STK32C: variants seen among roughly 807,000 people sequenced by gnomAD.
STK32C encodes serine/threonine-protein kinase 32C.
STK32C carries 31 observed loss-of-function variants against 56.5 expected under a neutral mutation model. The observed-to-expected ratio is 0.55, with a 90% CI of 0.41 to 0.74. The LOEUF (loss-of-function observed/expected upper bound fraction) is 0.74, where lower values mean the gene tolerates loss of function less well. STK32C is among the 30% of genes least tolerant of loss of function. The pLI, the probability that STK32C is intolerant of heterozygous loss-of-function variation, is 0.00. For missense variants in STK32C, 544 were observed against 676.9 expected, an observed-to-expected ratio of 0.80 and a Z score of 2.18; for synonymous variants, 309 against 289.4, an observed-to-expected ratio of 1.07 and a Z score of -0.69.
At chr10:132,313,655 A>T (rs2066262977) in intron 1 of STK32C, among the ~76,000 whole-genome samples, 1 of 152,246 alleles carries the variant, frequency 6.6e-6, no homozygotes, top group African/African-American at 2.4e-5. Context: ...GCCAAAGGGG[A>T]GCAGGAGAGC....
chr10:132,221,838 T>G (rs1187154525), intron 10 of STK32C, among the ~76,000 whole-genome samples: 1 of 132,084 alleles, frequency 7.6e-6, no homozygotes, highest in African/African-American at 2.9e-5. Flanking sequence ...TCAACGCACC[T>G]GGGTGAGTGT....
At chr10:132,260,655 A>G (rs2064272565) in intron 1 of STK32C, among the ~76,000 whole-genome samples, 1 of 152,136 alleles carries the variant, frequency 6.6e-6, no homozygotes, top group Non-Finnish European at 1.5e-5. Flanking sequence ...CATGAGGCAC[A>G]CCCCACTATT....
chr10:132,282,831 G>A (rs1469810762), intron 1 of STK32C, among the ~76,000 whole-genome samples: 3 of 152,230 alleles, frequency 2.0e-5, no homozygotes, highest in Admixed American at 6.5e-5. Context: ...CTGCTGGAGC[G>A]AAGGGAAGAA....
intron 10 of STK32C, among the ~76,000 whole-genome samples, chr10:132,213,057 C>A (rs2062365656): frequency 6.6e-6 from 1 of 152,218 alleles, no homozygotes; most frequent in African/African-American, 2.4e-5. Context: ...AGGAACCCTG[C>A]CAGGTCTTAA....
intron 4 of STK32C, 27 bp downstream of exon 4, chr10:132,226,768 T>TACCAGCGCCGTCTGCCACGCACAC: frequency 1.2e-6 from 2 of 1,606,266 alleles, no homozygotes; most frequent in Non-Finnish European, 1.7e-6. Flanking sequence ...CCTCAGCAGG[T>TACCAGCGCCGTCTGCCACGCACAC]ACCTGCGCCG....
chr10:132,214,805 T>C (rs1375525193), intron 10 of STK32C, among the ~76,000 whole-genome samples: 1 of 152,120 alleles, frequency 6.6e-6, no homozygotes, highest in Admixed American at 6.5e-5. Flanking sequence ...CAGGTGAAGG[T>C]AGACTGTATG....
chr10:132,244,753 C>T (rs1274360145), intron 2 of STK32C, among the ~76,000 whole-genome samples: 1 of 152,222 alleles, frequency 6.6e-6, no homozygotes, highest in Non-Finnish European at 1.5e-5. Context: ...ATCCTGCCTG[C>T]CCCTCGTGCA....
At chr10:132,286,094 C>G (rs527513003) in intron 1 of STK32C, among the ~76,000 whole-genome samples, 39 of 151,794 alleles carry the variant, frequency 2.6e-4, no homozygotes, top group Admixed American at 1.3e-4. Flanking sequence ...CCACTGCACT[C>G]CAGCCTGGGT....
intron 1 of STK32C, among the ~76,000 whole-genome samples, chr10:132,257,252 G>C (rs1302348734): frequency 1.3e-5 from 2 of 152,126 alleles, no homozygotes; most frequent in African/African-American, 4.8e-5. Context: ...GTGGGTCAAG[G>C]CTGGAAAAAG....
In STK32C at chr10:132,231,626, G is replaced by A. The variant is rs531262828; in HGVS notation, c.319-3498C>T. ...GGAGCCTCGGAATGTGGCCTTATTC[G>A]GAATAAAGGTCTCTGAAGATGTAAT... On this transcript the variant is annotated intron_variant, in intron 2 of 11. Transcript: ENST00000298630. 3.5e-4 allele frequency among the ~76,000 whole-genome samples: 54 copies of A among 152,294 alleles called. No homozygotes were observed. The South Asian group carries it at 0.01, about 29-fold the overall frequency.
At chr10:132,291,089 A>G (rs910252528) in intron 1 of STK32C, among the ~76,000 whole-genome samples, 6 of 152,256 alleles carry the variant, frequency 3.9e-5, no homozygotes, top group East Asian at 1.9e-4. Flanking sequence ...CACAAAATCA[A>G]CACAGCCACT....
At position 132,237,725 on chromosome 10, in the gene STK32C, G is replaced by A. The variant is rs532434855; in HGVS notation, c.318+8175C>T. Among the ~76,000 whole-genome samples, 12 of 152,288 alleles carry A rather than the reference G, an allele frequency of 7.9e-5. No individual in the cohort carries two copies. In the East Asian group the frequency reaches 9.7e-4, roughly 12 times the overall value. On this transcript the variant is annotated intron_variant, in intron 2 of 11. Transcript: ENST00000298630. ...ACCCCTCTTCCCCCAAGTGTGTGCC[G>A]GCGGGGCTGGCCCGGTGTGGCTTCA...
At chr10:132,211,632 T>C (rs929777258) in intron 10 of STK32C, among the ~76,000 whole-genome samples, 1 of 152,210 alleles carries the variant, frequency 6.6e-6, no homozygotes, top group African/African-American at 2.4e-5. Flanking sequence ...GGCCTGGATC[T>C]GCCCTGCTCT....
At position 132,280,465 on chromosome 10, in the gene STK32C, G is replaced by C. The variant is rs1456636153; in HGVS notation, c.262+27107C>G. 3.4e-5 allele frequency among the ~76,000 whole-genome samples: 4 copies of C among 118,820 alleles called. No homozygotes were observed. The East Asian group carries it at 1.1e-3, about 31-fold the overall frequency. The allele number at this position is 118,820 out of a possible 152,430, so 78.0% of individuals were successfully genotyped here. ...TCACGCCACTGCACCCCATGATCAC[G>C]CCCCTGCACTCCGTGATCATGCCAC... On this transcript the variant is annotated intron_variant, in intron 1 of 11. Coordinates refer to ENST00000298630, the MANE Select transcript of STK32C (RefSeq NM_173575.4).
chr10:132,240,099 G>GC (rs202044162), intron 2 of STK32C, among the ~76,000 whole-genome samples: 3 of 151,926 alleles, frequency 2.0e-5, no homozygotes, highest in East Asian at 1.9e-4. Flanking sequence ...CCCCAGGGAA[G>GC]CCCCCCCAGG....
chr10:132,292,041 G>A (rs1035483862), intron 1 of STK32C, among the ~76,000 whole-genome samples: 2 of 152,120 alleles, frequency 1.3e-5, no homozygotes, highest in African/African-American at 4.8e-5. Context: ...TTCCCCTGCA[G>A]GGGCCCAAGG....
At position 132,267,027 on chromosome 10, in the gene STK32C, G is replaced by A. The variant is rs966576757; in HGVS notation, c.263-21072C>T. Among the ~76,000 whole-genome samples the A allele has an allele frequency of 1.5e-3, 235 of 152,100 alleles. 5 individuals carry two copies. The highest frequency in any genetic ancestry group is 6.5e-4 in the Admixed American group (10 of 15,270). On this transcript the variant is annotated intron_variant, in intron 1 of 11. Coordinates refer to ENST00000298630, the MANE Select transcript of STK32C (RefSeq NM_173575.4). ...GGCCGTCACTGAGCGGGCAGCCCCC[G>A]CCCACCCCGCTGCAGTGGGGAGACC...
At chr10:132,277,899 C>A (rs2065037492) in intron 1 of STK32C, among the ~76,000 whole-genome samples, 1 of 152,210 alleles carries the variant, frequency 6.6e-6, no homozygotes, top group South Asian at 2.1e-4. Flanking sequence ...AGCCTGCACT[C>A]TGGCTCACCT....
chr10:132,266,239 C>T (rs910607342), intron 1 of STK32C, among the ~76,000 whole-genome samples: 1 of 152,168 alleles, frequency 6.6e-6, no homozygotes, highest in African/African-American at 2.4e-5. Flanking sequence ...TACAAGAGCG[C>T]GTCGTGCGAT....
Sources: gnomAD v4.1 joint callset for allele counts (sites outside exome capture counted in the v4.1 genomes callset) on GRCh38, gnomAD v4.1.1 for gene constraint, MANE v1.5 for transcripts, NCBI Gene and HGNC (gene_info 2026-07-23, HGNC 2026-07-21) for gene names.